TUSC3: variants seen among roughly 807,000 people sequenced by gnomAD.
TUSC3 encodes tumor suppressor candidate 3, also known as dolichyl-diphosphooligosaccharide--protein glycosyltransferase subunit TUSC3.
Under a neutral mutation model 44.8 loss-of-function variants are expected in TUSC3, and 45 were observed. The observed-to-expected ratio is 1.00, with a 90% CI of 0.79 to 1.29. The LOEUF is 1.29. TUSC3 is among the 50% of genes most tolerant of loss of function. The pLI is 0.00. For missense variants in TUSC3, 519 were observed against 437.9 expected (o/e 1.19, Z -1.65); for synonymous variants, 212 against 152.9 (o/e 1.39, Z -2.85).
At chr8:15,720,199 T>TACACACACACACACAC (rs1278052451) in intron 6 of TUSC3, among the ~76,000 whole-genome samples, 15 of 100,880 alleles carry the variant, frequency 1.5e-4, no homozygotes, top group Admixed American at 2.0e-4. Flanking sequence ...TGTATATATA[T>TACACACACACACACAC]ATACACACAC....
the TUSC3 span, among the ~76,000 whole-genome samples, chr8:15,822,691 A>T: frequency 2.0e-5 from 3 of 152,120 alleles, no homozygotes; most frequent in Admixed American, 1.3e-4. Flanking sequence ...GGGGACAGAG[A>T]AGGAGCATCC....
chr8:15,518,851 A>G (rs1414396218), intron 2 of TUSC3, among the ~76,000 whole-genome samples: 1 of 152,178 alleles, frequency 6.6e-6, no homozygotes, highest in African/African-American at 2.4e-5. Context: ...AAATATGAAA[A>G]TATAATCCCA....
chr8:15,684,549 A>G (rs1333718554), intron 6 of TUSC3, among the ~76,000 whole-genome samples: 1 of 152,104 alleles, frequency 6.6e-6, no homozygotes, highest in Non-Finnish European at 1.5e-5. Context: ...TGTTCTAGGC[A>G]TTTGATGCCT....
intron 1 of TUSC3, among the ~76,000 whole-genome samples, chr8:15,575,381 G>A (rs537381170): frequency 6.6e-6 from 1 of 152,186 alleles, no homozygotes; most frequent in Admixed American, 6.5e-5. Flanking sequence ...TTTTTATGTG[G>A]CAACTAATTT....
chr8:15,650,657 G>T (rs1371434429), intron 2 of TUSC3, 40 bp from the exon 3 acceptor site: 2 of 1,560,788 alleles, frequency 1.3e-6, no homozygotes, highest in African/African-American at 1.4e-5. Flanking sequence ...AGATGCTTCA[G>T]TACTGATGTG....
chr8:15,689,844 G>T (rs1446282906), intron 6 of TUSC3, among the ~76,000 whole-genome samples: 1 of 62,750 alleles, frequency 1.6e-5, no homozygotes, highest in East Asian at 4.2e-4. Context: ...GTGTGTGTGT[G>T]TGTGTGTGTG....
chr8:15,419,599 A>T (rs1334558767), intron 1 of TUSC3, among the ~76,000 whole-genome samples: 1 of 152,216 alleles, frequency 6.6e-6, no homozygotes, highest in Non-Finnish European at 1.5e-5. Flanking sequence ...TGAAAAAAAC[A>T]CTAAGCAAGC....
intron 6 of TUSC3, among the ~76,000 whole-genome samples, chr8:15,694,973 G>T (rs1809096146): frequency 6.6e-6 from 1 of 152,196 alleles, no homozygotes; most frequent in Admixed American, 6.5e-5. Flanking sequence ...TGCTGGTGTG[G>T]TGGCATCCAA....
At chr8:15,460,616 A>T (rs1265459702) in intron 1 of TUSC3, among the ~76,000 whole-genome samples, 1 of 152,148 alleles carries the variant, frequency 6.6e-6, no homozygotes, top group African/African-American at 2.4e-5. Flanking sequence ...GCCAATGTCT[A>T]GAAGGGTTTT....
At chr8:15,707,123 C>T (rs1177195427) in intron 6 of TUSC3, among the ~76,000 whole-genome samples, 1 of 151,888 alleles carries the variant, frequency 6.6e-6, no homozygotes, top group Non-Finnish European at 1.5e-5. Context: ...GTGAAACTAA[C>T]CTAATTTTAT....
chr8:15,740,466 ATGT>A (rs760566846), intron 7 of TUSC3, among the ~76,000 whole-genome samples: 197 of 151,894 alleles, frequency 1.3e-3, no homozygotes, highest in African/African-American at 4.1e-3. Flanking sequence ...GGAAAAAAAA[ATGT>A]TGTCCTCCAA....
intron 1 of TUSC3, among the ~76,000 whole-genome samples, chr8:15,597,773 T>C (rs1804130029): frequency 1.3e-5 from 2 of 152,062 alleles, no homozygotes; most frequent in Non-Finnish European, 2.9e-5. Flanking sequence ...GGCTAAGTCT[T>C]AATTTCTTGA....
intron 1 of TUSC3, among the ~76,000 whole-genome samples, chr8:15,575,843 T>C (rs1803079126): frequency 6.6e-6 from 1 of 152,106 alleles, no homozygotes; most frequent in African/African-American, 2.4e-5. Flanking sequence ...TTTGTGGAAA[T>C]TATACATGTT....
the TUSC3 span, among the ~76,000 whole-genome samples, chr8:15,792,025 T>C: frequency 0.052 from 7,906 of 152,140 alleles, 674 homozygotes; most frequent in African/African-American, 0.18. Flanking sequence ...GCCACAGACA[T>C]GTAGGAGAGT....
At chr8:15,809,637 T>C in the TUSC3 span, among the ~76,000 whole-genome samples, 7 of 152,202 alleles carry the variant, frequency 4.6e-5, no homozygotes, top group Middle Eastern at 3.2e-3. Flanking sequence ...AGAATAATTA[T>C]AACAATATGC....
At chr8:15,434,412 G>T (rs1057380254) in intron 1 of TUSC3, among the ~76,000 whole-genome samples, 5 of 151,922 alleles carry the variant, frequency 3.3e-5, no homozygotes, top group African/African-American at 1.2e-4. Context: ...AAATCTTCCA[G>T]ATTGTGACTT....
intron 6 of TUSC3, among the ~76,000 whole-genome samples, chr8:15,677,404 C>T (rs1179531622): frequency 1.3e-5 from 2 of 152,156 alleles, no homozygotes; most frequent in Admixed American, 1.3e-4. Flanking sequence ...GACTCTGGCT[C>T]ACAGAGACAT....
chr8:15,776,247 A>G, the TUSC3 span, among the ~76,000 whole-genome samples: 2 of 152,154 alleles, frequency 1.3e-5, no homozygotes, highest in Non-Finnish European at 2.9e-5. Flanking sequence ...ACCTATAAAC[A>G]TGTAATGAAA....
chr8:15,746,174 TAAG>T (rs1279193894), intron 8 of TUSC3, among the ~76,000 whole-genome samples: 1 of 152,092 alleles, frequency 6.6e-6, no homozygotes, highest in African/African-American at 2.4e-5. Flanking sequence ...TTAAGGTAAA[TAAG>T]AAATTTGTAG....
Sources: gnomAD v4.1 joint callset for allele counts (sites outside exome capture counted in the v4.1 genomes callset) on GRCh38, gnomAD v4.1.1 for gene constraint, MANE v1.5 for transcripts, NCBI Gene and HGNC (gene_info 2026-07-23, HGNC 2026-07-21) for gene names.